Variants in PAX5 observed in about 807,000 individuals in gnomAD.
PAX5 encodes the protein paired box protein Pax-5.
A neutral mutation model predicts 43.7 loss-of-function variants in PAX5; 9 were observed. The observed-to-expected ratio is 0.21, with a 90% CI of 0.12 to 0.36. PAX5 has a LOEUF of 0.36. PAX5 is among the 10% of genes least tolerant of loss of function. The pLI is 1.00. For missense variants in PAX5, 383 were observed against 532.7 expected, an observed-to-expected ratio of 0.72 and a Z score of 2.77; for synonymous variants, 228 against 214.3, an observed-to-expected ratio of 1.06 and a Z score of -0.56.
At chr9:36,946,456 C>A (rs1415498432) in intron 6 of PAX5, among the ~76,000 whole-genome samples, 1 of 152,174 alleles carries the variant, frequency 6.6e-6, no homozygotes, top group Non-Finnish European at 1.5e-5. Context: ...AAAACCTGGG[C>A]CACATTCATC....
chr9:36,854,403 T>C (rs917913567), intron 8 of PAX5, among the ~76,000 whole-genome samples: 3 of 152,210 alleles, frequency 2.0e-5, no homozygotes, highest in African/African-American at 7.2e-5. Context: ...ATTTATAATA[T>C]ACAGATGTAT....
At chr9:36,955,590 A>G (rs1588074103) in intron 6 of PAX5, among the ~76,000 whole-genome samples, 1 of 151,762 alleles carries the variant, frequency 6.6e-6, no homozygotes, top group East Asian at 1.9e-4. Flanking sequence ...TATATATCAC[A>G]CAATTCTAAG....
At chr9:36,896,935 G>A (rs560004384) in intron 7 of PAX5, among the ~76,000 whole-genome samples, 6 of 152,302 alleles carry the variant, frequency 3.9e-5, no homozygotes, top group South Asian at 4.1e-4. Flanking sequence ...AGGGTCCTGC[G>A]CAAGCTCTCA....
chr9:36,934,509 C>T (rs988742887), intron 6 of PAX5, among the ~76,000 whole-genome samples: 2 of 152,100 alleles, frequency 1.3e-5, no homozygotes, highest in Non-Finnish European at 2.9e-5. Flanking sequence ...TATAGGAGTC[C>T]TCGGTATTAT....
At chr9:36,969,457 G>A (rs567560789) in intron 5 of PAX5, among the ~76,000 whole-genome samples, 1 of 152,376 alleles carries the variant, frequency 6.6e-6, no homozygotes, top group African/African-American at 2.4e-5. Flanking sequence ...CAAGGTCACT[G>A]TCTGGTCACC....
At chr9:37,001,431 G>T (rs1212887904) in intron 5 of PAX5, among the ~76,000 whole-genome samples, 1 of 152,220 alleles carries the variant, frequency 6.6e-6, no homozygotes, top group Non-Finnish European at 1.5e-5. Flanking sequence ...AACAGAGATG[G>T]CAGGCCCACT....
In PAX5 at chr9:37,015,269, C is replaced by T. The variant is rs1406214611; in HGVS notation, c.213-75G>A. Reference sequence around the variant, plus strand: ...ATATTGGCAACAAAATAACGGGCTACTCTGGCCAGGAAACGTCCGGATCTG... The same window carrying T: ...ATATTGGCAACAAAATAACGGGCTATTCTGGCCAGGAAACGTCCGGATCTG... On this transcript the variant is annotated intron_variant, in intron 2 of 9. Coordinates refer to ENST00000358127, the MANE Select transcript of PAX5 (RefSeq NM_016734.3). This position sits in a 1 kb window ranked among gnomAD's most constrained non-coding sequence, Gnocchi z 4.4. 3.7e-5 allele frequency: 50 copies of T among 1,356,826 alleles called. No homozygotes were observed. Among genetic ancestry groups the T allele is most frequent in the Non-Finnish European group, 5.0e-5 (48 of 953,358 alleles). The allele number at this position is 1,356,826 out of a possible 1,614,324, so 84.0% of individuals were successfully genotyped here.
At chr9:36,939,690 T>C (rs896571409) in intron 6 of PAX5, among the ~76,000 whole-genome samples, 33 of 152,202 alleles carry the variant, frequency 2.2e-4, no homozygotes, top group African/African-American at 6.0e-4. Context: ...ATTATCCTCA[T>C]TTTTCTGTAA....
chr9:36,986,719 G>A (rs985644999), intron 5 of PAX5, among the ~76,000 whole-genome samples: 8 of 152,164 alleles, frequency 5.3e-5, no homozygotes, highest in African/African-American at 1.9e-4. Flanking sequence ...CCGCGGGGCC[G>A]AGGAGGAAGG....
intron 5 of PAX5, among the ~76,000 whole-genome samples, chr9:36,982,602 C>T (rs1232428012): frequency 1.3e-5 from 2 of 152,156 alleles, no homozygotes; most frequent in African/African-American, 4.8e-5. Flanking sequence ...GAGAAGGTGG[C>T]ATCTGAGCCA....
At chr9:37,019,299 C>A (rs1368895582) in intron 2 of PAX5, among the ~76,000 whole-genome samples, 1 of 152,170 alleles carries the variant, frequency 6.6e-6, no homozygotes, top group Non-Finnish European at 1.5e-5. Context: ...AACCACCTAA[C>A]AAGAAAACCA....
chr9:36,864,014 TAGA>T (rs573376466), intron 8 of PAX5, among the ~76,000 whole-genome samples: 13 of 151,970 alleles, frequency 8.6e-5, no homozygotes, highest in Non-Finnish European at 1.8e-4. Flanking sequence ...GAGGCTGAGG[TAGA>T]AGAATTGCTT....
intron 6 of PAX5, among the ~76,000 whole-genome samples, chr9:36,955,776 A>ATATATAT (rs1011804806): frequency 3.1e-4 from 23 of 73,752 alleles, no homozygotes; most frequent in African/African-American, 8.1e-4. Context: ...GTTTCAAAAA[A>ATATATAT]AAAAAAATAT....
intron 6 of PAX5, among the ~76,000 whole-genome samples, chr9:36,962,667 T>C (rs1294344093): frequency 6.6e-6 from 1 of 151,974 alleles, no homozygotes; most frequent in Non-Finnish European, 1.5e-5. Flanking sequence ...CCCAGAAAAA[T>C]AGTGACTTGC....
At chr9:37,017,921 A>C (rs1839529041) in intron 2 of PAX5, among the ~76,000 whole-genome samples, 1 of 152,252 alleles carries the variant, frequency 6.6e-6, no homozygotes, top group Non-Finnish European at 1.5e-5. Flanking sequence ...CATCTCAGCA[A>C]AACAGCCGTG....
chr9:37,007,455 T>C (rs1838512716), intron 3 of PAX5: 1 of 152,182 alleles, frequency 6.6e-6, no homozygotes, highest in African/African-American at 2.4e-5. Flanking sequence ...TGCAGAACCT[T>C]AGGCTCTGAA....
At chr9:36,961,509 C>T (rs1439821122) in intron 6 of PAX5, among the ~76,000 whole-genome samples, 1 of 152,234 alleles carries the variant, frequency 6.6e-6, no homozygotes, top group Non-Finnish European at 1.5e-5. Flanking sequence ...GTTTCTATTA[C>T]AGCCAGGAGG....
At chr9:37,001,140 G>A (rs941623931) in intron 5 of PAX5, among the ~76,000 whole-genome samples, 1 of 152,190 alleles carries the variant, frequency 6.6e-6, no homozygotes, top group Non-Finnish European at 1.5e-5. Flanking sequence ...GGAGCTTGAG[G>A]GGCAAAACCA....
At position 36,889,943 on chromosome 9, in the gene PAX5, G is replaced by GC. The variant is rs202186581; in HGVS notation, c.911-7839_911-7838insG. 2.6e-3 allele frequency among the ~76,000 whole-genome samples: 201 copies of GC among 76,604 alleles called. 2 individuals are homozygous for GC. The highest frequency in any genetic ancestry group is 8.3e-3 in the African/African-American group (123 of 14,802). 50.3% of individuals were successfully genotyped at this position (76,604 alleles called of 152,430 possible). A position where few individuals can be genotyped will look rare whatever the true frequency, so the allele number is the denominator to read the frequency against. On this transcript the variant is annotated intron_variant, in intron 7 of 9. Transcript: ENST00000358127. ...TAGGCTCTCTCTATGTACACTAACG[G>GC]GGGGGGGGGGAATGTGAATCCAATT...
Sources: allele counts gnomAD v4.1 joint callset (sites outside exome capture counted in the v4.1 genomes callset), GRCh38; gene constraint gnomAD v4.1.1; non-coding constraint Gnocchi (gnomAD v3.1); transcripts MANE v1.5; gene names NCBI Gene and HGNC (gene_info 2026-07-23, HGNC 2026-07-21).